CMIP: variants seen among roughly 807,000 people sequenced by gnomAD.
CMIP encodes C-Maf-inducing protein.
A neutral mutation model predicts 97.3 loss-of-function variants in CMIP; 13 were observed. The observed-to-expected ratio is 0.13, with a 90% confidence interval of 0.09 to 0.21. The LOEUF (loss-of-function observed/expected upper bound fraction) is 0.21. Ranked by LOEUF, CMIP falls within the 10% of genes least tolerant of loss-of-function variation. The probability of loss-of-function intolerance (pLI) is 1.00; values close to 1 mark genes in which losing one functional copy is unlikely to be tolerated. For missense variants in CMIP, 847 were observed against 1,024.9 expected, an observed-to-expected ratio of 0.83 and a Z score of 2.37; for synonymous variants, 538 against 436.3, an observed-to-expected ratio of 1.23 and a Z score of -2.91.
At chr16:81,549,115 G>C (rs1567573063) in intron 1 of CMIP, among the ~76,000 whole-genome samples, 2 of 152,212 alleles carry the variant, frequency 1.3e-5, no homozygotes, top group Non-Finnish European at 2.9e-5. Flanking sequence ...TAGGTAGTCA[G>C]GGAAAGGGGC....
chr16:81,690,016 C>G (rs1905871943), intron 10 of CMIP, among the ~76,000 whole-genome samples: 1 of 152,136 alleles, frequency 6.6e-6, no homozygotes, highest in Non-Finnish European at 1.5e-5. Flanking sequence ...TGGTCTGTAT[C>G]TCTGTTTTGG....
rs540826552 is a variant in CMIP at position 81,477,225 on chromosome 16, G to A, written c.300+31684G>A. The stretch of plus-strand genomic sequence containing the variant: ...GGCTGGAGTGCAGTGGTGTGGTCTC[G>A]GCTCACTGCAACCTCAGCCTCCTGG... On this transcript the variant is annotated intron_variant, in intron 1 of 20. Coordinates refer to ENST00000537098, the MANE Select transcript of CMIP (RefSeq NM_198390.3). Among the ~76,000 whole-genome samples, 135 of 151,770 alleles carry A rather than the reference G, an allele frequency of 8.9e-4. 1 individual carries two copies. Among genetic ancestry groups the A allele is most frequent in the African/African-American group, 3.1e-3 (130 of 41,350 alleles).
chr16:81,500,798 G>GT (rs753655846), intron 1 of CMIP, among the ~76,000 whole-genome samples: 1 of 150,554 alleles, frequency 6.6e-6, no homozygotes, highest in Non-Finnish European at 1.5e-5. Flanking sequence ...CCGGCCCACT[G>GT]TTTCCTTTCC....
intron 4 of CMIP, among the ~76,000 whole-genome samples, chr16:81,656,167 C>A (rs56410439): frequency 0.13 from 20,039 of 152,284 alleles, 1,832 homozygotes; most frequent in Middle Eastern, 0.24. Flanking sequence ...CCGGTAGAGA[C>A]TCATGTTGTT....
chr16:81,478,595 G>C (rs895393574), intron 1 of CMIP, among the ~76,000 whole-genome samples: 1 of 152,176 alleles, frequency 6.6e-6, no homozygotes, highest in Non-Finnish European at 1.5e-5. Flanking sequence ...CAGACCATGT[G>C]TGGTCCCCTC....
At chr16:81,495,394 C>G (rs1477785202) in intron 1 of CMIP, 1 of 1,552,790 alleles carries the variant, frequency 6.4e-7, no homozygotes, top group East Asian at 2.4e-5. Context: ...CGTTTGAGAA[C>G]AACAAACCAA....
At chr16:81,521,057 A>G (rs960661496) in intron 1 of CMIP, among the ~76,000 whole-genome samples, 1 of 152,220 alleles carries the variant, frequency 6.6e-6, no homozygotes, top group Non-Finnish European at 1.5e-5. Context: ...GCAGCCTGGG[A>G]ACAGGAATGT....
chr16:81,671,080 C>T (rs141968682), intron 8 of CMIP, among the ~76,000 whole-genome samples: 121 of 152,308 alleles, frequency 7.9e-4, no homozygotes, highest in African/African-American at 2.6e-3. Flanking sequence ...CCACCTGCTT[C>T]GGCCTCCCAA....
At chr16:81,615,099 G>A (rs1014454067) in intron 2 of CMIP, among the ~76,000 whole-genome samples, 13 of 146,030 alleles carry the variant, frequency 8.9e-5, no homozygotes, top group Non-Finnish European at 1.8e-4. Flanking sequence ...TGTGTATGAG[G>A]TGTGTATGGT....
intron 1 of CMIP, among the ~76,000 whole-genome samples, chr16:81,583,659 G>T (rs933747760): frequency 6.6e-6 from 1 of 152,110 alleles, no homozygotes; most frequent in Non-Finnish European, 1.5e-5. Flanking sequence ...CTTATTGGGG[G>T]TACTTTGTTT....
At chr16:81,635,575 C>T (rs938391254) in intron 3 of CMIP, among the ~76,000 whole-genome samples, 3 of 152,194 alleles carry the variant, frequency 2.0e-5, no homozygotes, top group Non-Finnish European at 4.4e-5. Flanking sequence ...CCCCACAAAA[C>T]CTGTCTGTAT....
chr16:81,698,940 C>G (rs1347809920), intron 14 of CMIP, among the ~76,000 whole-genome samples: 3 of 152,290 alleles, frequency 2.0e-5, no homozygotes, highest in African/African-American at 7.2e-5. Context: ...TTTAGAGATT[C>G]TATTACAGAT....
At chr16:81,590,990 A>G (rs999673641) in intron 1 of CMIP, among the ~76,000 whole-genome samples, 4 of 152,210 alleles carry the variant, frequency 2.6e-5, no homozygotes, top group African/African-American at 9.6e-5. Context: ...GGCTGCTTTC[A>G]CACCACAACA....
intron 18 of CMIP, 149 bp from the exon 19 acceptor site, chr16:81,705,350 G>A (rs764003588): frequency 3.8e-5 from 22 of 578,240 alleles, no homozygotes; most frequent in African/African-American, 5.6e-5. Flanking sequence ...TTTAGGGGAC[G>A]TGAACGCAGC....
intron 1 of CMIP, among the ~76,000 whole-genome samples, chr16:81,454,992 T>C (rs1906456514): frequency 6.6e-6 from 1 of 152,188 alleles, no homozygotes; most frequent in Admixed American, 6.5e-5. Context: ...GCAGTTTTTA[T>C]GGGGTGGACA....
chr16:81,605,376 G>A (rs4506893), intron 1 of CMIP, among the ~76,000 whole-genome samples: 16,858 of 152,192 alleles, frequency 0.11, 1,486 homozygotes, highest in African/African-American at 0.23. Context: ...CCCCTAGATT[G>A]TGGGGTCCAG....
At position 81,675,709 on chromosome 16, in the gene CMIP, G is replaced by C. The variant is rs1481602488; in HGVS notation, c.1035-2566G>C. Among the ~76,000 whole-genome samples the C allele has an allele frequency of 2.6e-5, 4 of 152,216 alleles. No homozygotes were observed. In the East Asian group the frequency reaches 5.8e-4, roughly 22 times the overall value. On this transcript the variant is annotated intron_variant, in intron 9 of 20. Transcript: ENST00000537098. ...CAGGGGAAGAGCTGAAGGAAATCCAGTGTGACTAGAGCAGAGAGAGGAAAG... is the reference window on the plus strand; with the variant it reads ...CAGGGGAAGAGCTGAAGGAAATCCACTGTGACTAGAGCAGAGAGAGGAAAG...
At chr16:81,705,694 A>C (rs918945931) in intron 19 of CMIP, 90 bp downstream of exon 19, 2 of 778,596 alleles carry the variant, frequency 2.6e-6, no homozygotes, top group East Asian at 5.4e-5. Flanking sequence ...CTGACTTTGC[A>C]CCATGCACAG....
At chr16:81,678,664 G>A (rs373352244) in intron 10 of CMIP, 36 bp downstream of exon 10, 195 of 997,466 alleles carry the variant, frequency 2.0e-4, no homozygotes, top group Middle Eastern at 1.0e-3. Flanking sequence ...CCCCGGGGCC[G>A]GTGGGAGGAG....
Sources: gnomAD v4.1 joint callset for allele counts (sites outside exome capture counted in the v4.1 genomes callset) on GRCh38, gnomAD v4.1.1 for gene constraint, MANE v1.5 for transcripts, NCBI Gene and HGNC (gene_info 2026-07-23, HGNC 2026-07-21) for gene names.